Variants in SLC12A6 observed in about 807,000 individuals in gnomAD.
SLC12A6 encodes solute carrier family 12 member 6, also known as K-Cl cotransporter 3.
Under a neutral mutation model 135.3 loss-of-function variants are expected in SLC12A6, and 66 were observed. The ratio of observed to expected loss-of-function variants is 0.49; its 90% CI spans 0.40 to 0.60. The LOEUF (loss-of-function observed/expected upper bound fraction) is 0.60, where lower values mean the gene tolerates loss of function less well. Ranked by LOEUF, SLC12A6 falls within the 20% of genes least tolerant of loss-of-function variation. The probability of loss-of-function intolerance (pLI) is 0.00; values close to 1 mark genes in which losing one functional copy is unlikely to be tolerated. For synonymous variants in SLC12A6, 513 were observed against 508.8 expected, an observed-to-expected ratio of 1.01 and a Z score of -0.11; for missense variants, 1,058 against 1,452.3, an observed-to-expected ratio of 0.73 and a Z score of 4.41.
intron 2 of SLC12A6, among the ~76,000 whole-genome samples, chr15:34,331,387 C>T (rs1319070579): frequency 2.0e-5 from 3 of 152,282 alleles, no homozygotes; most frequent in South Asian, 2.1e-4. Flanking sequence ...GTGATCCGCC[C>T]GCCTTGGCCT....
At chr15:34,283,193 A>C (rs530179549) in intron 2 of SLC12A6, among the ~76,000 whole-genome samples, 3 of 152,174 alleles carry the variant, frequency 2.0e-5, no homozygotes, top group African/African-American at 7.2e-5. Flanking sequence ...AAATACAAAA[A>C]TCAGCCAGGC....
At chr15:34,276,761 C>T (rs1894323611) in intron 2 of SLC12A6, among the ~76,000 whole-genome samples, 1 of 152,158 alleles carries the variant, frequency 6.6e-6, no homozygotes, top group Non-Finnish European at 1.5e-5. Flanking sequence ...AACAATAAAT[C>T]TGAGACATTT....
intron 13 of SLC12A6, among the ~76,000 whole-genome samples, chr15:34,249,272 G>A (rs1043337662): frequency 2.0e-5 from 3 of 152,056 alleles, no homozygotes; most frequent in Admixed American, 6.6e-5. Flanking sequence ...AAATAATAGC[G>A]GAAAGGGCTG....
At position 34,232,488 on chromosome 15, in the gene SLC12A6, A is replaced by G. The variant is rs376830966; in HGVS notation, c.*1393T>C. On this transcript the variant is annotated 3_prime_UTR_variant, in exon 26 of 26. Transcript: ENST00000354181. ...AGTGATTCACCTGCCTTGGCCTCCC[A>G]AAGTGCTGGGATTACAGGTGTGAGC... The G allele has an allele frequency of 3.3e-5, 5 of 152,234 alleles. No individual in the cohort carries two copies. The East Asian group carries it at 9.6e-4, about 29-fold the overall frequency. 9.4% of individuals were successfully genotyped at this position (152,234 alleles called of 1,614,324 possible).
At chr15:34,269,649 C>T (rs1350892008) in intron 3 of SLC12A6, among the ~76,000 whole-genome samples, 1 of 151,568 alleles carries the variant, frequency 6.6e-6, no homozygotes, top group African/African-American at 2.4e-5. Flanking sequence ...GAAACCATGT[C>T]ATTTGTCCTG....
chr15:34,316,976 G>A (rs8024443), intron 2 of SLC12A6, among the ~76,000 whole-genome samples: 5,971 of 152,212 alleles, frequency 0.039, 218 homozygotes, highest in African/African-American at 0.099. Context: ...AAGCAAAGAA[G>A]GTGCAGCTTC....
intron 2 of SLC12A6, among the ~76,000 whole-genome samples, chr15:34,279,829 T>C (rs1023562227): frequency 1.3e-5 from 2 of 152,110 alleles, no homozygotes; most frequent in African/African-American, 2.4e-5. Context: ...AAATAAAAAA[T>C]AGAAACAAAC....
rs1566794201 is a variant in SLC12A6, at chr15:34,231,584, C to CTTTT, written c.*2296_*2297insAAAA. ...CAAATCAAAATTACTCAATTTCTTTCTTTCTTTCTTTTTTTTTTTTTTTGA... is the reference window on the plus strand; with the variant it reads ...CAAATCAAAATTACTCAATTTCTTTCTTTTTTTCTTTCTTTTTTTTTTTTTTTGA... On this transcript the variant is annotated 3_prime_UTR_variant, in exon 26 of 26. Transcript: ENST00000354181. The CTTTT allele has an allele frequency of 7.1e-6, 1 of 141,488 alleles. No homozygotes were observed. 8.8% of individuals were successfully genotyped at this position (141,488 alleles called of 1,614,324 possible).
At chr15:34,337,198 T>C (rs539539204) in intron 1 of SLC12A6, 134 bp downstream of exon 1, 1 of 207,100 alleles carries the variant, frequency 4.8e-6, no homozygotes, top group African/African-American at 2.4e-5. Context: ...CGGCCACCTG[T>C]TGTGTATCAG....
In SLC12A6 at chr15:34,304,086, T is replaced by C. The variant is rs184960211; in HGVS notation, c.272-28697A>G. ...ATCCCCATCTCACTCTCCCCAACCCTATCCAGACTAAACGACCATTAATCT... is the reference window on the plus strand; with the variant it reads ...ATCCCCATCTCACTCTCCCCAACCCCATCCAGACTAAACGACCATTAATCT... On this transcript the variant is annotated intron_variant, in intron 2 of 25. Coordinates refer to ENST00000354181, the MANE Select transcript of SLC12A6 (RefSeq NM_001365088.1). Among the ~76,000 whole-genome samples the C allele has an allele frequency of 3.1e-3, 465 of 152,290 alleles. 3 individuals carry two copies. Among genetic ancestry groups the C allele is most frequent in the African/African-American group, 0.011 (455 of 41,572 alleles).
chr15:34,260,114 TGATA>T (rs1893012316), intron 4 of SLC12A6, among the ~76,000 whole-genome samples: 1 of 152,194 alleles, frequency 6.6e-6, no homozygotes, highest in African/African-American at 2.4e-5. Flanking sequence ...GTATACGAGG[TGATA>T]TATATGCTAA....
intron 2 of SLC12A6, among the ~76,000 whole-genome samples, chr15:34,305,760 T>A (rs1024051140): frequency 4.7e-5 from 6 of 127,740 alleles, no homozygotes; most frequent in African/African-American, 1.9e-4. Context: ...TCCTCCAGCA[T>A]TTTTTTTTTT....
chr15:34,243,659 A>G (rs1039373594), intron 16 of SLC12A6, among the ~76,000 whole-genome samples: 7 of 152,174 alleles, frequency 4.6e-5, no homozygotes, highest in Non-Finnish European at 1.0e-4. Flanking sequence ...AGAACCTCTG[A>G]CTCTGTAACC....
At chr15:34,316,300 T>G (rs539962765) in intron 2 of SLC12A6, among the ~76,000 whole-genome samples, 1 of 152,324 alleles carries the variant, frequency 6.6e-6, no homozygotes, top group East Asian at 1.9e-4. Flanking sequence ...AAGATTTTTT[T>G]TTTTTAACTT....
intron 24 of SLC12A6, 134 bp from the exon 25 acceptor site, chr15:34,235,448 T>TC: frequency 1.3e-6 from 1 of 773,164 alleles, no homozygotes; most frequent in Admixed American, 2.5e-5. Flanking sequence ...TTTTTTTTTT[T>TC]TTTGAGAGGG....
At chr15:34,322,942 G>GTATCTAGAAGACATAAAAATTCCCTA (rs1566871035) in intron 2 of SLC12A6, among the ~76,000 whole-genome samples, 1 of 120,982 alleles carries the variant, frequency 8.3e-6, no homozygotes, top group African/African-American at 3.4e-5. Context: ...TTGCACCACT[G>GTATCTAGAAGACATAAAAATTCCCTA]CACTCCAGCC....
chr15:34,277,654 C>T (rs998877487), intron 2 of SLC12A6, among the ~76,000 whole-genome samples: 2 of 152,144 alleles, frequency 1.3e-5, no homozygotes, highest in Non-Finnish European at 2.9e-5. Context: ...TGGTCATCAT[C>T]TAAACCTACT....
At chr15:34,255,718 G>A (rs183136554) in intron 7 of SLC12A6, among the ~76,000 whole-genome samples, 1 of 152,124 alleles carries the variant, frequency 6.6e-6, no homozygotes, top group East Asian at 1.9e-4. Context: ...CGCCTCTAAT[G>A]GTAGCACTTT....
chr15:34,249,297 T>C (rs761222055), intron 13 of SLC12A6, among the ~76,000 whole-genome samples: 3 of 152,298 alleles, frequency 2.0e-5, no homozygotes, highest in Non-Finnish European at 2.9e-5. Flanking sequence ...TGTTGGTTCA[T>C]GCCTATAAGC....
Sources: gnomAD v4.1 joint callset for allele counts (sites outside exome capture counted in the v4.1 genomes callset) on GRCh38, gnomAD v4.1.1 for gene constraint, MANE v1.5 for transcripts, NCBI Gene and HGNC (gene_info 2026-07-23, HGNC 2026-07-21) for gene names.